The following TMEM132E variants were observed in gnomAD, a reference collection of about 807,000 sequenced individuals.
TMEM132E encodes transmembrane protein 132E.
Under a neutral mutation model 78.5 loss-of-function variants are expected in TMEM132E, and 49 were observed. That is an observed-to-expected ratio of 0.62 (90% CI 0.50 to 0.79). The LOEUF is 0.79. Among genes scored for constraint, TMEM132E ranks in the 30% least tolerant of loss-of-function variants. The probability of loss-of-function intolerance (pLI) is 0.00; values close to 1 mark genes in which losing one functional copy is unlikely to be tolerated. For missense variants in TMEM132E, 1,403 were observed against 1,470.9 expected (o/e 0.95, Z 0.75); for synonymous variants, 715 against 670.6 (o/e 1.07, Z -1.02).
intron 1 of TMEM132E, among the ~76,000 whole-genome samples, chr17:34,606,233 G>A (rs1906409820): frequency 6.6e-6 from 1 of 152,214 alleles, no homozygotes; most frequent in Admixed American, 6.5e-5. Context: ...TGTAATCCCA[G>A]CTACTTGAGA....
rs1179970311 is a variant in TMEM132E at position 34,605,498 on chromosome 17, C to T, written c.68-20629C>T. On this transcript the variant is annotated intron_variant, in intron 1 of 8. Coordinates refer to ENST00000631683, the MANE Select transcript of TMEM132E (RefSeq NM_001304438.2). ...CAGCATCCTGACCCCACCCTGCTGT[C>T]CTGCTTGGGCTGAACACAGACAGGG... Among the ~76,000 whole-genome samples the T allele has an allele frequency of 8.5e-5, 13 of 152,138 alleles. 1 individual carries two copies. Among genetic ancestry groups the T allele is most frequent in the African/African-American group, 3.1e-4 (13 of 41,426 alleles).
intron 1 of TMEM132E, among the ~76,000 whole-genome samples, chr17:34,619,505 C>T (rs1348055778): frequency 6.8e-6 from 1 of 147,152 alleles, no homozygotes; most frequent in Non-Finnish European, 1.5e-5. Flanking sequence ...TTCATTCATT[C>T]GTAGATTTGA....
intron 1 of TMEM132E, among the ~76,000 whole-genome samples, chr17:34,600,360 G>C (rs1426783366): frequency 1.3e-5 from 2 of 151,788 alleles, no homozygotes; most frequent in South Asian, 2.1e-4. Flanking sequence ...GTGTTTCCAA[G>C]CTCTAATAGC....
intron 2 of TMEM132E, among the ~76,000 whole-genome samples, chr17:34,627,505 T>TGTGTGTG (rs59547151): frequency 1.9e-4 from 29 of 148,906 alleles, no homozygotes; most frequent in South Asian, 4.3e-4. Context: ...TGTGTGTGTG[T>TGTGTGTG]TTTGGGACAT....
intron 1 of TMEM132E, 121 bp from the exon 2 acceptor site, chr17:34,626,006 T>C: frequency 1.1e-6 from 1 of 947,376 alleles, no homozygotes; most frequent in Non-Finnish European, 1.5e-6. Context: ...AGGCTGAACC[T>C]GCCCAGCTAG....
intron 1 of TMEM132E, among the ~76,000 whole-genome samples, chr17:34,591,098 G>A (rs2142052135): frequency 6.6e-6 from 1 of 152,250 alleles, no homozygotes; most frequent in African/African-American, 2.4e-5. Flanking sequence ...GCAAATTGAA[G>A]GTGAGGAGCC....
intron 1 of TMEM132E, among the ~76,000 whole-genome samples, chr17:34,624,707 A>G (rs568558603): frequency 6.6e-6 from 1 of 152,250 alleles, no homozygotes; most frequent in African/African-American, 2.4e-5. Flanking sequence ...GAGAAAAAGG[A>G]TCCTGACGCC....
intron 1 of TMEM132E, among the ~76,000 whole-genome samples, chr17:34,624,322 T>G (rs1446669240): frequency 1.3e-5 from 2 of 152,232 alleles, no homozygotes; most frequent in African/African-American, 2.4e-5. Context: ...AGGAGTCTCC[T>G]CTTTGGGACA....
At chr17:34,595,061 C>T (rs1906009345) in intron 1 of TMEM132E, among the ~76,000 whole-genome samples, 1 of 152,220 alleles carries the variant, frequency 6.6e-6, no homozygotes, top group African/African-American at 2.4e-5. Context: ...TTGGAAAGGG[C>T]CAGGTATGGC....
intron 1 of TMEM132E, among the ~76,000 whole-genome samples, chr17:34,618,203 G>A (rs1228728977): frequency 1.3e-5 from 2 of 152,056 alleles, no homozygotes; most frequent in Non-Finnish European, 2.9e-5. Flanking sequence ...TATAAACATA[G>A]CATTACAGTG....
chr17:34,594,448 G>A (rs1380514877), intron 1 of TMEM132E, among the ~76,000 whole-genome samples: 2 of 152,156 alleles, frequency 1.3e-5, no homozygotes, highest in East Asian at 1.9e-4. Context: ...CTGTGGCTCC[G>A]TTTCCACGTT....
At chr17:34,614,986 T>C (rs1906729337) in intron 1 of TMEM132E, among the ~76,000 whole-genome samples, 1 of 152,218 alleles carries the variant, frequency 6.6e-6, no homozygotes, top group African/African-American at 2.4e-5. Context: ...TTCCTTGGCC[T>C]CCTCTTGGGA....
intron 1 of TMEM132E, among the ~76,000 whole-genome samples, chr17:34,586,251 C>T (rs2142048703): frequency 6.6e-6 from 1 of 152,066 alleles, no homozygotes; most frequent in African/African-American, 2.4e-5. Context: ...ATGCTCAACA[C>T]AGAATTTTAA....
In TMEM132E at chr17:34,630,100, G is replaced by A. The variant is rs765264499; in HGVS notation, c.1431G>A (p.Leu477=). The change falls in exon 5 of 9, where the codon CTG becomes CTA. Residue 477 remains leucine (L), a synonymous_variant. Coordinates refer to ENST00000631683, the MANE Select transcript of TMEM132E (RefSeq NM_001304438.2). The part of the protein sequence containing the change: ...VIAIEVNGLV[L]DISALVECES... Reference sequence around the variant, plus strand: ...CCATCGAGGTGAATGGCCTCGTCCTGGACATCTCCGCCCTAGTGGAATGCG... The same window carrying A: ...CCATCGAGGTGAATGGCCTCGTCCTAGACATCTCCGCCCTAGTGGAATGCG... The A allele has an allele frequency of 5.0e-6, 8 of 1,613,630 alleles. No individual in the cohort carries two copies. In the Admixed American group the frequency reaches 1.0e-4, roughly 20 times the overall value.
intron 1 of TMEM132E, among the ~76,000 whole-genome samples, chr17:34,605,277 T>A (rs1257646884): frequency 6.6e-6 from 1 of 152,164 alleles, no homozygotes; most frequent in African/African-American, 2.4e-5. Context: ...TTCGGAACCA[T>A]GCGGTGCTTC....
At chr17:34,590,644 C>G (rs1289831670) in intron 1 of TMEM132E, among the ~76,000 whole-genome samples, 1 of 152,086 alleles carries the variant, frequency 6.6e-6, no homozygotes, top group Non-Finnish European at 1.5e-5. Context: ...AGCGAACTCT[C>G]AGAGTCTTGG....
intron 6 of TMEM132E, 90 bp downstream of exon 6, chr17:34,632,999 C>T: frequency 7.1e-7 from 1 of 1,401,376 alleles, no homozygotes; most frequent in East Asian, 2.3e-5. Flanking sequence ...GGGTATAAGG[C>T]CCTTGGTATA....
rs1905451690 is a variant in TMEM132E at position 34,581,003 on chromosome 17, T to G, written c.-74T>G. ...CGCCACGGCAGCCCTGAGTTGGATG[T>G]GACCAAGCCCAGCCTGGGGCCAAGT... On this transcript the variant is annotated 5_prime_UTR_variant, in exon 1 of 9. The change abolishes the stop of an existing upstream ORF in the 5' untranslated region. Transcript: ENST00000631683. 7.5e-7 allele frequency: 1 copy of G among 1,341,590 alleles called. No homozygotes were observed. Among genetic ancestry groups the G allele is most frequent in the African/African-American group, 1.5e-5 (1 of 66,130 alleles). The allele number at this position is 1,341,590 out of a possible 1,614,324, so 83.1% of individuals were successfully genotyped here.
At chr17:34,604,675 G>T (rs1691669178) in intron 1 of TMEM132E, among the ~76,000 whole-genome samples, 1 of 152,122 alleles carries the variant, frequency 6.6e-6, no homozygotes, top group Non-Finnish European at 1.5e-5. Context: ...AACCAACTTT[G>T]ACCTCTCTGT....
Sources: gnomAD v4.1 joint callset for allele counts (sites outside exome capture counted in the v4.1 genomes callset) on GRCh38, gnomAD v4.1.1 for gene constraint, MANE v1.5 for transcripts, NCBI Gene and HGNC (gene_info 2026-07-23, HGNC 2026-07-21) for gene names.